Variants in BRINP2 observed in about 807,000 individuals in gnomAD.
BRINP2 encodes the protein BMP/retinoic acid-inducible neural-specific protein 2.
In BRINP2, 21 loss-of-function variants were observed where a neutral mutation model predicts 69.2. The observed-to-expected ratio is 0.30, with a 90% CI of 0.22 to 0.44. The LOEUF is 0.44. Among genes scored for constraint, BRINP2 ranks in the 20% least tolerant of loss-of-function variants. BRINP2 has a pLI of 1.00. For missense variants in BRINP2, 877 were observed against 986.0 expected, an observed-to-expected ratio of 0.89 and a Z score of 1.48; for synonymous variants, 380 against 394.1, an observed-to-expected ratio of 0.96 and a Z score of 0.42.
intron 2 of BRINP2, among the ~76,000 whole-genome samples, chr1:177,255,134 T>A (rs1011424470): frequency 6.6e-6 from 1 of 152,208 alleles, no homozygotes; most frequent in Non-Finnish European, 1.5e-5. Context: ...GTACCAAAGA[T>A]GAAAATCCAC....
intron 1 of BRINP2, among the ~76,000 whole-genome samples, chr1:177,191,069 G>A (rs1489662750): frequency 6.6e-6 from 1 of 152,158 alleles, no homozygotes; most frequent in Non-Finnish European, 1.5e-5. Flanking sequence ...ACTCTCCAGA[G>A]AGCGTTGTCC....
chr1:177,172,129 T>C (rs1647953030), intron 1 of BRINP2, among the ~76,000 whole-genome samples: 3 of 152,246 alleles, frequency 2.0e-5, no homozygotes. Flanking sequence ...AGGTTCATTA[T>C]GTTTGGGAAG....
At chr1:177,175,157 C>G (rs1191137648) in intron 1 of BRINP2, among the ~76,000 whole-genome samples, 1 of 152,186 alleles carries the variant, frequency 6.6e-6, no homozygotes, top group East Asian at 1.9e-4. Context: ...CATTTAGCAG[C>G]GAGCAGGAGA....
At chr1:177,175,150 T>C (rs1187455817) in intron 1 of BRINP2, among the ~76,000 whole-genome samples, 2 of 152,226 alleles carry the variant, frequency 1.3e-5, no homozygotes, top group Admixed American at 6.5e-5. Flanking sequence ...CCTTAGGCAT[T>C]TAGCAGCGAG....
intron 2 of BRINP2, among the ~76,000 whole-genome samples, chr1:177,253,689 A>T (rs892485288): frequency 2.6e-5 from 4 of 152,054 alleles, no homozygotes; most frequent in Non-Finnish European, 5.9e-5. Flanking sequence ...TAAGTCTTTC[A>T]TTCATTTTGA....
intron 4 of BRINP2, among the ~76,000 whole-genome samples, chr1:177,264,892 T>G (rs185607236): frequency 6.6e-6 from 1 of 152,330 alleles, no homozygotes; most frequent in Admixed American, 6.5e-5. Context: ...AAGTAATTTA[T>G]AGATTCAATG....
intron 2 of BRINP2, among the ~76,000 whole-genome samples, chr1:177,235,908 T>G (rs1229289068): frequency 6.6e-6 from 1 of 152,108 alleles, no homozygotes; most frequent in Non-Finnish European, 1.5e-5. Context: ...AGGCCCAAAG[T>G]AAAATGGTTG....
chr1:177,278,095 G>T (rs1458053717), intron 6 of BRINP2, among the ~76,000 whole-genome samples: 1 of 152,130 alleles, frequency 6.6e-6, no homozygotes, highest in East Asian at 1.9e-4. Context: ...TCTGAGCTGG[G>T]TGCTGCATCT....
chr1:177,205,735 C>G (rs1649053602), intron 1 of BRINP2, among the ~76,000 whole-genome samples: 1 of 152,180 alleles, frequency 6.6e-6, no homozygotes, highest in Non-Finnish European at 1.5e-5. Flanking sequence ...ACTAACAGGT[C>G]AGTGTGAGCT....
At chr1:177,253,651 T>A (rs760969729) in intron 2 of BRINP2, among the ~76,000 whole-genome samples, 1 of 152,134 alleles carries the variant, frequency 6.6e-6, no homozygotes, top group Non-Finnish European at 1.5e-5. Flanking sequence ...CTTTATTCTA[T>A]TAGTTTTATA....
intron 1 of BRINP2, among the ~76,000 whole-genome samples, chr1:177,229,485 G>T (rs969291493): frequency 5.3e-5 from 8 of 152,156 alleles, no homozygotes; most frequent in African/African-American, 1.9e-4. Context: ...TAACATAAGG[G>T]TTAAGAGTCA....
At chr1:177,187,517 C>T (rs1648462048) in intron 1 of BRINP2, among the ~76,000 whole-genome samples, 1 of 152,174 alleles carries the variant, frequency 6.6e-6, no homozygotes, top group Non-Finnish European at 1.5e-5. Context: ...ACATCCTGTG[C>T]ACAGGGTCAG....
chr1:177,203,351 A>C (rs1648977847), intron 1 of BRINP2, among the ~76,000 whole-genome samples: 1 of 152,072 alleles, frequency 6.6e-6, no homozygotes, highest in Non-Finnish European at 1.5e-5. Flanking sequence ...GTGGGGAGGG[A>C]TAGCATTAGG....
chr1:177,221,447 C>T (rs187238488), intron 1 of BRINP2, among the ~76,000 whole-genome samples: 3 of 152,168 alleles, frequency 2.0e-5, no homozygotes, highest in African/African-American at 4.8e-5. Context: ...TCACTTTTCC[C>T]CAAACCAGTG....
chr1:177,173,415 G>A (rs1647997924), intron 1 of BRINP2, among the ~76,000 whole-genome samples: 1 of 152,220 alleles, frequency 6.6e-6, no homozygotes. Context: ...TGACAGCTGG[G>A]CTGCAGCCAT....
intron 1 of BRINP2, among the ~76,000 whole-genome samples, chr1:177,218,384 A>C (rs1649436353): frequency 6.6e-6 from 1 of 152,146 alleles, no homozygotes. Flanking sequence ...GGTGAGCTAC[A>C]CACCCACAGA....
chr1:177,208,632 ATCT>A (rs1034393146), intron 1 of BRINP2, among the ~76,000 whole-genome samples: 38 of 151,214 alleles, frequency 2.5e-4, no homozygotes, highest in African/African-American at 5.6e-4. Flanking sequence ...TTTTTTCTTC[ATCT>A]TCTTCTTTTT....
At chr1:177,264,121 A>G (rs1441701769) in intron 4 of BRINP2, among the ~76,000 whole-genome samples, 1 of 152,198 alleles carries the variant, frequency 6.6e-6, no homozygotes, top group Non-Finnish European at 1.5e-5. Context: ...AAGTTGGAGA[A>G]AAATGGATCA....
intron 1 of BRINP2, among the ~76,000 whole-genome samples, chr1:177,193,918 A>G (rs1369660401): frequency 6.6e-6 from 1 of 152,236 alleles, no homozygotes; most frequent in Non-Finnish European, 1.5e-5. Context: ...GGAATAACTC[A>G]TTTAGGAGAC....
Sources: gnomAD v4.1 joint callset for allele counts (sites outside exome capture counted in the v4.1 genomes callset) on GRCh38, gnomAD v4.1.1 for gene constraint, MANE v1.5 for transcripts, NCBI Gene and HGNC (gene_info 2026-07-23, HGNC 2026-07-21) for gene names.